The following DLGAP2 variants were observed in gnomAD, a reference collection of about 807,000 sequenced individuals.
DLGAP2 encodes disks large-associated protein 2.
DLGAP2 carries 26 observed loss-of-function variants against 100.3 expected under a neutral mutation model. The observed-to-expected ratio is 0.26, with a 90% CI of 0.19 to 0.36. The LOEUF (loss-of-function observed/expected upper bound fraction) is 0.36. Ranked by LOEUF, DLGAP2 falls within the 10% of genes least tolerant of loss-of-function variation. DLGAP2 has a pLI of 1.00. For synonymous variants in DLGAP2, 886 were observed against 630.1 expected, an observed-to-expected ratio of 1.41 and a Z score of -6.08; for missense variants, 1,858 against 1,453.2, an observed-to-expected ratio of 1.28 and a Z score of -4.53.
chr8:817,634 G>C (rs1197058255), intron 1 of DLGAP2, among the ~76,000 whole-genome samples: 1 of 152,168 alleles, frequency 6.6e-6, no homozygotes, highest in Non-Finnish European at 1.5e-5. Context: ...CTGCTGTTCA[G>C]ACTCTTTTCT....
chr8:962,649 G>T (rs1038144730), intron 2 of DLGAP2, among the ~76,000 whole-genome samples: 2 of 152,090 alleles, frequency 1.3e-5, no homozygotes, highest in African/African-American at 2.4e-5. Flanking sequence ...ACAAAATGGA[G>T]AGGCTCCGCT....
intron 1 of DLGAP2, among the ~76,000 whole-genome samples, chr8:805,986 G>C (rs1288912426): frequency 6.6e-6 from 1 of 152,314 alleles, no homozygotes; most frequent in East Asian, 1.9e-4. Context: ...TTCCCATCTA[G>C]CCCTTCCGTT....
intron 3 of DLGAP2, among the ~76,000 whole-genome samples, chr8:1,278,094 T>C (rs1008090361): frequency 1.6e-4 from 25 of 152,194 alleles, no homozygotes; most frequent in Non-Finnish European, 1.0e-4. Context: ...TTCTCATTTA[T>C]TCAGATGATA....
At chr8:1,662,563 T>C (rs1466390819) in intron 8 of DLGAP2, among the ~76,000 whole-genome samples, 1 of 152,264 alleles carries the variant, frequency 6.6e-6, no homozygotes, top group Non-Finnish European at 1.5e-5. Flanking sequence ...AGACTCATTA[T>C]AACCAACAAC....
At chr8:1,163,783 A>G (rs1467626586) in intron 2 of DLGAP2, among the ~76,000 whole-genome samples, 1 of 152,194 alleles carries the variant, frequency 6.6e-6, no homozygotes. Flanking sequence ...TCTGTTTTCT[A>G]AATGGCAGCG....
chr8:1,341,135 G>C (rs1801407530), intron 3 of DLGAP2, among the ~76,000 whole-genome samples: 1 of 152,124 alleles, frequency 6.6e-6, no homozygotes, highest in Non-Finnish European at 1.5e-5. Context: ...ATTGATAGTA[G>C]GCTTAATACT....
At chr8:1,687,487 A>T (rs1178292286) in intron 12 of DLGAP2, among the ~76,000 whole-genome samples, 5 of 152,228 alleles carry the variant, frequency 3.3e-5, no homozygotes, top group Non-Finnish European at 7.3e-5. Flanking sequence ...ATAGGAAGCT[A>T]CTTACATTAT....
intron 2 of DLGAP2, among the ~76,000 whole-genome samples, chr8:964,167 G>A (rs1321475200): frequency 6.6e-6 from 1 of 152,144 alleles, no homozygotes. Flanking sequence ...ACATAAAGCT[G>A]TTTTTAAACC....
chr8:1,281,690 C>T (rs1015859711), intron 3 of DLGAP2, among the ~76,000 whole-genome samples: 7 of 152,206 alleles, frequency 4.6e-5, no homozygotes, highest in African/African-American at 1.4e-4. Context: ...GCTCCCCACA[C>T]TCCCTAAGGA....
Position 1,093,471 on chromosome 8 carries a change from A to G in DLGAP2, c.74-165380A>G, listed in dbSNP as rs552982134. Among the ~76,000 whole-genome samples the G allele has an allele frequency of 3.3e-5, 5 of 152,060 alleles. No individual in the cohort carries two copies. In the South Asian group the frequency reaches 1.0e-3, roughly 32 times the overall value. On this transcript the variant is annotated intron_variant, in intron 2 of 14. Transcript: ENST00000637795. Reference sequence around the variant, plus strand: ...AACACTTTCACACCAACAGCCAGACAGAAACACCTTCACACCGACAGCCAG... The same window carrying G: ...AACACTTTCACACCAACAGCCAGACGGAAACACCTTCACACCGACAGCCAG...
Position 1,701,512 on chromosome 8 carries a change from C to G in DLGAP2, c.*106C>G. 1 of 1,211,766 alleles carries G rather than the reference C, an allele frequency of 8.3e-7. No individual in the cohort carries two copies. The allele number at this position is 1,211,766 out of a possible 1,614,324, so 75.1% of individuals were successfully genotyped here. A position where few individuals can be genotyped will look rare whatever the true frequency, so the allele number is the denominator to read the frequency against. ...GTCTCCTCCTCCCGCTGAACACGTC[C>G]TCGCTCCCGCGCTCCCCGCGCCCCG... On this transcript the variant is annotated 3_prime_UTR_variant, in exon 15 of 15. Transcript: ENST00000637795.
At chr8:1,306,065 G>C (rs1029513534) in intron 3 of DLGAP2, among the ~76,000 whole-genome samples, 11 of 79,970 alleles carry the variant, frequency 1.4e-4, no homozygotes, top group African/African-American at 4.8e-4. Context: ...CCTAGACAGA[G>C]AAATTAGGCA....
intron 1 of DLGAP2, among the ~76,000 whole-genome samples, chr8:903,968 G>A (rs946022433): frequency 6.6e-6 from 1 of 152,266 alleles, no homozygotes. Flanking sequence ...GGGAGGGTGA[G>A]GAAGAGGCGT....
At chr8:1,033,690 CG>C (rs1802037591) in intron 2 of DLGAP2, among the ~76,000 whole-genome samples, 1 of 152,030 alleles carries the variant, frequency 6.6e-6, no homozygotes, top group Non-Finnish European at 1.5e-5. Flanking sequence ...ATGAGAACCG[CG>C]AGTGGATTCA....
rs1799425602 is a variant in DLGAP2, at chr8:1,697,308, A to T, written c.2949+9A>T. ...AGTCCCCGGAAAGAAAGGTAAGGGC[A>T]TCCATGCAGGGCCGGCTCCCAGCAA... On this transcript the variant is annotated intron_variant, in intron 14 of 14. Transcript: ENST00000637795. 6.3e-7 allele frequency: 1 copy of T among 1,595,550 alleles called. No homozygotes were observed. Among genetic ancestry groups the T allele is most frequent in the Non-Finnish European group, 8.6e-7 (1 of 1,169,084 alleles).
At chr8:1,413,143 T>C (rs1406009303) in intron 3 of DLGAP2, among the ~76,000 whole-genome samples, 1 of 152,226 alleles carries the variant, frequency 6.6e-6, no homozygotes, top group Non-Finnish European at 1.5e-5. Flanking sequence ...CCCTCTGTGT[T>C]TTCTACTGGA....
At chr8:1,470,848 C>A (rs370447601) in intron 3 of DLGAP2, among the ~76,000 whole-genome samples, 586 of 36,198 alleles carry the variant, frequency 0.016, 154 homozygotes, top group East Asian at 0.057. Context: ...CCAGGCTTTC[C>A]CGACCCCTCC....
intron 2 of DLGAP2, among the ~76,000 whole-genome samples, chr8:1,089,756 GAGGACATTAA>G (rs1804109569): frequency 6.6e-6 from 1 of 152,210 alleles, no homozygotes; most frequent in Non-Finnish European, 1.5e-5. Flanking sequence ...TTTTCCTCTG[GAGGACATTAA>G]AGGACATTCC....
intron 2 of DLGAP2, among the ~76,000 whole-genome samples, chr8:1,241,643 C>G (rs1246134236): frequency 6.6e-6 from 1 of 152,090 alleles, no homozygotes; most frequent in Non-Finnish European, 1.5e-5. Context: ...GTAAAATACT[C>G]CATTTTAACC....
Sources: allele counts gnomAD v4.1 joint callset (sites outside exome capture counted in the v4.1 genomes callset), GRCh38; gene constraint gnomAD v4.1.1; transcripts MANE v1.5; gene names NCBI Gene and HGNC (gene_info 2026-07-23, HGNC 2026-07-21).